Variants in ZBTB17 observed in about 807,000 individuals in gnomAD.
ZBTB17 encodes the protein zinc finger and BTB domain containing 17, also known as zinc finger and BTB domain-containing protein 17.
ZBTB17 carries 24 observed loss-of-function variants against 85.1 expected under a neutral mutation model. The observed-to-expected ratio is 0.28, with a 90% CI of 0.20 to 0.40. The LOEUF is 0.40. Among genes scored for constraint, ZBTB17 ranks in the 10% least tolerant of loss-of-function variants. The probability of loss-of-function intolerance (pLI) is 1.00; values close to 1 mark genes in which losing one functional copy is unlikely to be tolerated. For missense variants in ZBTB17, 743 were observed against 1,105.1 expected (o/e 0.67, Z 4.65); for synonymous variants, 464 against 460.2 (o/e 1.01, Z -0.11).
rs1333543841 is a variant in ZBTB17, at chr1:15,943,628, G to C, written c.1547C>G (p.Ala516Gly). ...HCQRQFADPG[A>G]LQRHVRIHTG... ...GTGAATGCGGACGTGCCGCTGCAGA[G>C]CGCCGGGGTCTGCAAACTGTCGCTG... Residue 516 changes from alanine (A) to glycine (G), a missense_variant, in exon 11 of 16, where the codon GCT becomes GGT. Transcript: ENST00000375743. The C allele has an allele frequency of 1.2e-6, 2 of 1,612,884 alleles. No homozygotes were observed. The highest frequency in any genetic ancestry group is 1.7e-6 in the Non-Finnish European group (2 of 1,179,958).
chr1:15,954,466 A>T (rs1478235858), intron 2 of ZBTB17, among the ~76,000 whole-genome samples: 1 of 152,218 alleles, frequency 6.6e-6, no homozygotes, highest in Non-Finnish European at 1.5e-5. Flanking sequence ...TCTTGTGTCC[A>T]GGTGCTTGAG....
chr1:15,960,219 T>C (rs575149252), intron 2 of ZBTB17, among the ~76,000 whole-genome samples: 1 of 152,304 alleles, frequency 6.6e-6, no homozygotes, highest in South Asian at 2.1e-4. Context: ...GGCAGGCACT[T>C]AACTCTGCAC....
chr1:15,956,049 T>C (rs1210025488), intron 2 of ZBTB17, among the ~76,000 whole-genome samples: 1 of 152,228 alleles, frequency 6.6e-6, no homozygotes, highest in East Asian at 1.9e-4. Flanking sequence ...ACTGTGCTAG[T>C]ACGCATACCA....
Position 15,942,074 on chromosome 1 carries a change from C to T in ZBTB17, c.2307G>A (p.Leu769=), listed in dbSNP as rs192751297. The stretch of plus-strand genomic sequence containing the variant: ...GGCGGAAGACCAGCTCCCCAGCCTG[C>T]AGCACCTGCCCGGCAGGCCACGTGC... ...PGGTWPAGQV[L]QAGELVFRPR... The change falls in exon 16 of 16, where the codon CTG becomes CTA. Residue 769 remains leucine, a synonymous_variant. Coordinates refer to ENST00000375743, the MANE Select transcript of ZBTB17 (RefSeq NM_003443.3). 38 of 1,613,054 alleles carry T rather than the reference C, an allele frequency of 2.4e-5. No individual in the cohort carries two copies. In the East Asian group the frequency reaches 8.2e-4, roughly 35 times the overall value.
chr1:15,942,904 AG>A, intron 13 of ZBTB17, 159 bp downstream of exon 13: 1 of 1,343,748 alleles, frequency 7.4e-7, no homozygotes, highest in South Asian at 1.4e-5. Flanking sequence ...TGGAAGCTCT[AG>A]GAAAATGGGG....
chr1:15,945,667 C>CT, intron 6 of ZBTB17, 48 bp downstream of exon 6: 1 of 1,600,690 alleles, frequency 6.2e-7, no homozygotes, highest in Non-Finnish European at 8.5e-7. Flanking sequence ...AGGCAGGGCC[C>CT]TGGGAGGATG....
intron 2 of ZBTB17, among the ~76,000 whole-genome samples, chr1:15,968,013 G>A (rs998609466): frequency 6.6e-6 from 1 of 152,128 alleles, no homozygotes; most frequent in African/African-American, 2.4e-5. Flanking sequence ...CACCACTGGA[G>A]AAGAGTTACC....
intron 2 of ZBTB17, among the ~76,000 whole-genome samples, chr1:15,950,877 T>A (rs2071807888): frequency 1.3e-5 from 2 of 152,216 alleles, no homozygotes; most frequent in Middle Eastern, 3.2e-3. Context: ...CCATGTGCCC[T>A]GGGGCTTCCT....
intron 2 of ZBTB17, among the ~76,000 whole-genome samples, chr1:15,957,604 A>G (rs1312130656): frequency 6.6e-6 from 1 of 152,148 alleles, no homozygotes; most frequent in Non-Finnish European, 1.5e-5. Context: ...GAGGTTCCTA[A>G]AAGGCCCCTC....
chr1:15,942,896 G>A (rs1304718000), intron 13 of ZBTB17, 158 bp from the exon 14 acceptor site: 3 of 1,327,674 alleles, frequency 2.3e-6, no homozygotes, highest in African/African-American at 1.5e-5. Context: ...GGCACCTCTG[G>A]AAGCTCTAGG....
intron 2 of ZBTB17, among the ~76,000 whole-genome samples, chr1:15,970,736 A>G (rs2148815885): frequency 6.6e-6 from 1 of 152,130 alleles, no homozygotes; most frequent in Middle Eastern, 3.4e-3. Context: ...TTTAGTAGAG[A>G]CGGAGTTTCA....
In ZBTB17 at chr1:15,944,522, C is replaced by T. The variant is rs370797191; in HGVS notation, c.1149G>A (p.Arg383=). Residue 383 remains arginine (R), a synonymous_variant, in exon 9 of 16, where the codon CGG becomes CGA. Transcript: ENST00000375743. ...LISLLNLHKK[R]HSGEARYRCE... The stretch of plus-strand genomic sequence containing the variant: ...AGCGGTAGCGCGCCTCGCCCGAGTG[C>T]CGCTTCTTGTGCAGGTTCAGCAGGC... 3.1e-6 allele frequency: 5 copies of T among 1,591,536 alleles called. No individual in the cohort carries two copies. The highest frequency in any genetic ancestry group is 3.4e-6 in the Non-Finnish European group (4 of 1,173,688).
chr1:15,963,733 AGAAG>A (rs1045106209), intron 2 of ZBTB17, among the ~76,000 whole-genome samples: 1 of 152,204 alleles, frequency 6.6e-6, no homozygotes, highest in Admixed American at 6.5e-5. Context: ...ATTAAATGCA[AGAAG>A]GAAGGAAGAA....
In ZBTB17 at chr1:15,945,048, C is replaced by T. The variant is rs200902436; in HGVS notation, c.816G>A (p.Ala272=). ...APEENENEES[A]GTDSGQELGS... is the part of the protein sequence containing the mutation. Reference sequence around the variant, plus strand: ...CGAGCTCCTGCCCCGAGTCTGTGCCCGCTGACTCCTCATTCTCGTTCTCCT... The same window carrying T: ...CGAGCTCCTGCCCCGAGTCTGTGCCTGCTGACTCCTCATTCTCGTTCTCCT... The change falls in exon 7 of 16, where the codon GCG becomes GCA. Residue 272 remains alanine (A), a synonymous_variant. Coordinates refer to ENST00000375743, the MANE Select transcript of ZBTB17 (RefSeq NM_003443.3). 9.2e-5 allele frequency: 148 copies of T among 1,610,722 alleles called. No individual in the cohort carries two copies. The Admixed American group carries it at 1.5e-3, about 17-fold the overall frequency.
intron 3 of ZBTB17, among the ~76,000 whole-genome samples, chr1:15,947,678 T>G (rs983449890): frequency 6.6e-6 from 1 of 152,170 alleles, no homozygotes; most frequent in Non-Finnish European, 1.5e-5. Context: ...ACTTCACCAG[T>G]GGAGGACACT....
rs1356956864 is a variant in ZBTB17 at position 15,943,581 on chromosome 1, T to A, written c.1576+18A>T. The A allele has an allele frequency of 7.4e-6, 12 of 1,612,886 alleles. No homozygotes were observed. The highest frequency in any genetic ancestry group is 1.0e-5 in the Non-Finnish European group (12 of 1,179,898). ...CTCCGTGCCCTCCCAGTCCTGGGCA[T>A]GGCCGCTCACCACCCACCTGTGTGA... On this transcript the variant is annotated intron_variant, in intron 11 of 15. Transcript: ENST00000375743.
chr1:15,962,472 C>T (rs985623939), intron 2 of ZBTB17, among the ~76,000 whole-genome samples: 1 of 152,036 alleles, frequency 6.6e-6, no homozygotes, highest in Non-Finnish European at 1.5e-5. Flanking sequence ...CATGCCGCCT[C>T]ACCAGTGCTC....
intron 2 of ZBTB17, among the ~76,000 whole-genome samples, chr1:15,971,447 TACAC>T (rs66739373): frequency 4.0e-5 from 5 of 123,756 alleles, no homozygotes; most frequent in African/African-American, 6.0e-5. Context: ...ACTATATATA[TACAC>T]ACACACTATA....
At chr1:15,957,408 G>C (rs190980592) in intron 2 of ZBTB17, among the ~76,000 whole-genome samples, 3 of 123,428 alleles carry the variant, frequency 2.4e-5, no homozygotes, top group South Asian at 2.2e-4. Flanking sequence ...GCCGGTGTGT[G>C]TGGAGAGGAG....
Sources: gnomAD v4.1 joint callset for allele counts (sites outside exome capture counted in the v4.1 genomes callset) on GRCh38, gnomAD v4.1.1 for gene constraint, MANE v1.5 for transcripts, NCBI Gene and HGNC (gene_info 2026-07-23, HGNC 2026-07-21) for gene names.